ZNF804B: variants seen among roughly 807,000 people sequenced by gnomAD.
ZNF804B encodes the protein zinc finger protein 804B, also known as zinc finger 804B.
In ZNF804B, 80 loss-of-function variants were observed where a neutral mutation model predicts 101.4. The ratio of observed to expected loss-of-function variants is 0.79; its 90% CI spans 0.66 to 0.95. ZNF804B has a LOEUF of 0.95. ZNF804B is among the 40% of genes least tolerant of loss of function. ZNF804B has a pLI of 0.00. For synonymous variants in ZNF804B, 622 were observed against 558.8 expected (o/e 1.11, Z -1.59); for missense variants, 1,673 against 1,561.9 (o/e 1.07, Z -1.20).
chr7:89,279,453 GT>G (rs1398920512), intron 2 of ZNF804B, among the ~76,000 whole-genome samples: 10 of 150,166 alleles, frequency 6.7e-5, no homozygotes, highest in Admixed American at 4.6e-4. Context: ...AATGCTTCCA[GT>G]TTTTGCCCAT....
rs1562920062 is a variant in ZNF804B, at chr7:89,219,923, A to ACATATATGTGTGCATGTAT, written c.249+1643_249+1644insGTATCATATATGTGTGCAT. Among the ~76,000 whole-genome samples, 47 of 131,414 alleles carry ACATATATGTGTGCATGTAT rather than the reference A, an allele frequency of 3.6e-4. 2 individuals carry two copies. Among genetic ancestry groups the ACATATATGTGTGCATGTAT allele is most frequent in the African/African-American group, 1.3e-3 (45 of 35,004 alleles). 86.2% of individuals were successfully genotyped at this position (131,414 alleles called of 152,430 possible). A position where few individuals can be genotyped will look rare whatever the true frequency, so the allele number is the denominator to read the frequency against. On this transcript the variant is annotated intron_variant, in intron 2 of 3. Transcript: ENST00000333190. ...TATGTGTGTGCATATATATGTATAT[A>ACATATATGTGTGCATGTAT]CATATATGTGTGCATATATATGTAT...
chr7:89,336,820 C>T lies in ZNF804B; in HGVS notation c.3838C>T (p.His1280Tyr). The change falls in exon 4 of 4, where the codon CAC (histidine) becomes TAC (tyrosine). Residue 1280 changes from histidine (H) to tyrosine (Y), a missense_variant. By Grantham distance (83) the His-to-Tyr change is moderately conservative. Transcript: ENST00000333190. ...LVAATPFHPS[H>Y]ITLQPLPPTA... Reference sequence around the variant, plus strand: ...AGCTGCTACCCCCTTCCACCCATCTCACATAACACTTCAGCCTCTGCCCCC... The same window carrying T: ...AGCTGCTACCCCCTTCCACCCATCTTACATAACACTTCAGCCTCTGCCCCC... 6.2e-7 allele frequency: 1 copy of T among 1,614,126 alleles called. No individual in the cohort carries two copies. Among genetic ancestry groups the T allele is most frequent in the East Asian group, 2.2e-5 (1 of 44,870 alleles).
At chr7:89,313,271 G>C (rs79596486) in intron 2 of ZNF804B, among the ~76,000 whole-genome samples, 3,109 of 152,140 alleles carry the variant, frequency 0.02, 95 homozygotes, top group African/African-American at 0.071. Flanking sequence ...TAATAATTTT[G>C]ACCTTTTGCC....
chr7:89,007,456 A>T (rs1788383477), intron 1 of ZNF804B, among the ~76,000 whole-genome samples: 1 of 120,840 alleles, frequency 8.3e-6, no homozygotes, highest in South Asian at 2.6e-4. Flanking sequence ...TTATATATAT[A>T]TATATATATA....
chr7:89,149,507 A>T (rs1253887284), intron 1 of ZNF804B, among the ~76,000 whole-genome samples: 1 of 152,132 alleles, frequency 6.6e-6, no homozygotes, highest in Non-Finnish European at 1.5e-5. Context: ...GAAAGTAATT[A>T]ATTGATACAT....
intron 1 of ZNF804B, among the ~76,000 whole-genome samples, chr7:89,016,713 C>T (rs1275454221): frequency 6.6e-6 from 1 of 152,086 alleles, no homozygotes; most frequent in East Asian, 1.9e-4. Flanking sequence ...GTTTTGGTAC[C>T]AGTACCATGC....
rs1204866701 is a variant in ZNF804B, at chr7:89,335,069, A to G, written c.2087A>G (p.Tyr696Cys). 6.2e-7 allele frequency: 1 copy of G among 1,613,756 alleles called. No individual in the cohort carries two copies. Among genetic ancestry groups the G allele is most frequent in the African/African-American group, 1.3e-5 (1 of 74,918 alleles). The change falls in exon 4 of 4, where the codon TAC (tyrosine) becomes TGC (cysteine). Residue 696 changes from tyrosine (Y) to cysteine (C), a missense_variant. By Grantham distance (194) the Tyr-to-Cys change is radical. Coordinates refer to ENST00000333190, the MANE Select transcript of ZNF804B (RefSeq NM_181646.5). Reference sequence around the variant, plus strand: ...GTTTCCGGATGTGGAAACCAAAGATACAAGAGATACTCTCCACAGTCATGT... The same window carrying G: ...GTTTCCGGATGTGGAAACCAAAGATGCAAGAGATACTCTCCACAGTCATGT... Reference protein sequence around the residue: ...SKVSGCGNQRYKRYSPQSCLS... With the variant: ...SKVSGCGNQRCKRYSPQSCLS...
At chr7:89,000,326 T>C (rs1026235885) in intron 1 of ZNF804B, among the ~76,000 whole-genome samples, 10 of 152,026 alleles carry the variant, frequency 6.6e-5, no homozygotes, top group African/African-American at 2.2e-4. Flanking sequence ...TAATTATGAC[T>C]GATTCACATA....
rs1238302474 is a variant in ZNF804B, at chr7:88,967,739, CAT to C, written c.108+207656_108+207657del. ...AGCAAAAAAAAAAAAAAAAAAAAAT[CAT>C]GTGTAAAGATGAGATTATAATTAGG... is the stretch of plus-strand genomic sequence containing the variant. On this transcript the variant is annotated intron_variant, in intron 1 of 3. Coordinates refer to ENST00000333190, the MANE Select transcript of ZNF804B (RefSeq NM_181646.5). Among the ~76,000 whole-genome samples, 14 of 136,024 alleles carry C rather than the reference CAT, an allele frequency of 1.0e-4. No individual in the cohort carries two copies. In the East Asian group the frequency reaches 2.0e-3, roughly 20 times the overall value. 89.2% of individuals were successfully genotyped at this position (136,024 alleles called of 152,430 possible). A position where few individuals can be genotyped will look rare whatever the true frequency, so the allele number is the denominator to read the frequency against.
chr7:88,785,812 C>A (rs1036962510), intron 1 of ZNF804B, among the ~76,000 whole-genome samples: 4 of 152,122 alleles, frequency 2.6e-5, no homozygotes, highest in African/African-American at 9.7e-5. Flanking sequence ...CAGGAACATT[C>A]CCCTCCTACT....
chr7:88,961,673 G>A (rs1793387067), intron 1 of ZNF804B, among the ~76,000 whole-genome samples: 1 of 151,394 alleles, frequency 6.6e-6, no homozygotes, highest in African/African-American at 2.4e-5. Flanking sequence ...TCATGGGCAT[G>A]AGGTAAAAAA....
chr7:89,131,957 G>A (rs1790554631), intron 1 of ZNF804B, among the ~76,000 whole-genome samples: 1 of 151,906 alleles, frequency 6.6e-6, no homozygotes, highest in Non-Finnish European at 1.5e-5. Context: ...AAATTCAAAT[G>A]CAGATAGCAT....
Position 89,336,009 on chromosome 7 carries a change from A to C in ZNF804B, c.3027A>C (p.Ser1009=). The change falls in exon 4 of 4, where the codon TCA becomes TCC. Residue 1009 remains serine (S), a synonymous_variant. Coordinates refer to ENST00000333190, the MANE Select transcript of ZNF804B (RefSeq NM_181646.5). ...CGGAGAAAGACAAAAGCAAAAGTTC[A>C]CACACAAATAATTTTACAATTTTAG... ...RTTEKDKSKS[S]HTNNFTILAD... The C allele has an allele frequency of 6.2e-7, 1 of 1,614,036 alleles. No individual in the cohort carries two copies. Among genetic ancestry groups the C allele is most frequent in the Non-Finnish European group, 8.5e-7 (1 of 1,179,988 alleles).
intron 1 of ZNF804B, among the ~76,000 whole-genome samples, chr7:88,976,544 C>T (rs570304162): frequency 2.6e-4 from 40 of 151,380 alleles, no homozygotes; most frequent in Non-Finnish European, 3.7e-4. Flanking sequence ...GACTGTTCGT[C>T]GCTGGCATAT....
chr7:88,805,525 T>C (rs1193143413), intron 1 of ZNF804B, among the ~76,000 whole-genome samples: 1 of 152,222 alleles, frequency 6.6e-6, no homozygotes, highest in Admixed American at 6.5e-5. Context: ...TTGGAAACTG[T>C]ACCTACTAAC....
chr7:89,143,172 T>C (rs908589004), intron 1 of ZNF804B, among the ~76,000 whole-genome samples: 1 of 151,330 alleles, frequency 6.6e-6, no homozygotes, highest in Non-Finnish European at 1.5e-5. Context: ...AGTTGGAGGG[T>C]GGGGGGGTTG....
At chr7:89,227,778 A>C (rs1789117997) in intron 2 of ZNF804B, among the ~76,000 whole-genome samples, 1 of 152,224 alleles carries the variant, frequency 6.6e-6, no homozygotes, top group African/African-American at 2.4e-5. Flanking sequence ...TTAGTGTTCC[A>C]AATACTCCTA....
intron 1 of ZNF804B, among the ~76,000 whole-genome samples, chr7:88,907,685 G>T (rs1170173843): frequency 6.6e-6 from 1 of 151,838 alleles, no homozygotes; most frequent in Non-Finnish European, 1.5e-5. Flanking sequence ...TTTAAAATGA[G>T]GGAGCATGGC....
chr7:88,818,561 A>G (rs999058998), intron 1 of ZNF804B, among the ~76,000 whole-genome samples: 2 of 152,162 alleles, frequency 1.3e-5, no homozygotes, highest in Non-Finnish European at 2.9e-5. Flanking sequence ...ATTTTGTATC[A>G]TGGGGAATTA....
Sources: allele counts gnomAD v4.1 joint callset (sites outside exome capture counted in the v4.1 genomes callset), GRCh38; gene constraint gnomAD v4.1.1; transcripts MANE v1.5; gene names NCBI Gene and HGNC (gene_info 2026-07-23, HGNC 2026-07-21).